Variants in SNTG2 observed in about 807,000 individuals in gnomAD.
SNTG2 encodes the protein gamma-2-syntrophin.
In SNTG2, 74 loss-of-function variants were observed where a neutral mutation model predicts 70.9. The ratio of observed to expected loss-of-function variants is 1.04; its 90% confidence interval spans 0.86 to 1.27. The LOEUF is 1.27. Among genes scored for constraint, SNTG2 ranks in the 50% most tolerant of loss-of-function variants. The probability of loss-of-function intolerance (pLI) is 0.00; values close to 1 mark genes in which losing one functional copy is unlikely to be tolerated. For missense variants in SNTG2, 717 were observed against 690.7 expected (o/e 1.04, Z -0.43); for synonymous variants, 278 against 273.8 (o/e 1.02, Z -0.15).
At chr2:1,179,536 A>C (rs1181553977) in intron 8 of SNTG2, among the ~76,000 whole-genome samples, 2 of 152,042 alleles carry the variant, frequency 1.3e-5, no homozygotes, top group African/African-American at 2.4e-5. Flanking sequence ...TTCAAGGAGA[A>C]CTACAAACCA....
intron 16 of SNTG2, among the ~76,000 whole-genome samples, chr2:1,365,403 T>A (rs1428591365): frequency 6.6e-6 from 1 of 152,246 alleles, no homozygotes; most frequent in African/African-American, 2.4e-5. Context: ...GTCATTCACA[T>A]GCATAGGAAG....
intron 16 of SNTG2, among the ~76,000 whole-genome samples, chr2:1,337,242 T>C (rs1659863205): frequency 6.6e-6 from 1 of 152,146 alleles, no homozygotes; most frequent in Non-Finnish European, 1.5e-5. Flanking sequence ...GTAATTCTAT[T>C]TTTAATTTTT....
At chr2:1,354,028 G>GT (rs1660719559) in intron 16 of SNTG2, among the ~76,000 whole-genome samples, 2 of 152,270 alleles carry the variant, frequency 1.3e-5, no homozygotes, top group East Asian at 3.9e-4. Context: ...CGTCCTAAAA[G>GT]TTTTACCTAA....
At chr2:1,140,291 C>T (rs1429935335) in intron 6 of SNTG2, among the ~76,000 whole-genome samples, 1 of 152,214 alleles carries the variant, frequency 6.6e-6, no homozygotes, top group Non-Finnish European at 1.5e-5. Context: ...ATATAGTTTC[C>T]CCTTTTTAGT....
chr2:958,950 A>G (rs1660260663), intron 1 of SNTG2, among the ~76,000 whole-genome samples: 1 of 152,352 alleles, frequency 6.6e-6, no homozygotes, highest in East Asian at 1.9e-4. Context: ...GAAACTGCTA[A>G]TAACAAAAGG....
chr2:1,250,995 CT>C (rs1677720946), intron 12 of SNTG2, among the ~76,000 whole-genome samples: 1 of 152,250 alleles, frequency 6.6e-6, no homozygotes, highest in Non-Finnish European at 1.5e-5. Context: ...CAGAAGATGA[CT>C]TGGCACCATC....
chr2:1,104,374 G>A (rs1273013234), intron 4 of SNTG2, among the ~76,000 whole-genome samples: 2 of 152,176 alleles, frequency 1.3e-5, no homozygotes, highest in African/African-American at 4.8e-5. Flanking sequence ...TTTCAGACGA[G>A]CTGAGTGACA....
chr2:1,064,922 A>G (rs1663054717), intron 1 of SNTG2, among the ~76,000 whole-genome samples: 1 of 152,232 alleles, frequency 6.6e-6, no homozygotes, highest in Non-Finnish European at 1.5e-5. Flanking sequence ...AAACACATTT[A>G]ACAAAAAGAA....
chr2:1,005,858 TATATATATATATATATAA>T (rs1659554234), intron 1 of SNTG2, among the ~76,000 whole-genome samples: 2 of 23,534 alleles, frequency 8.5e-5, no homozygotes, highest in Admixed American at 6.2e-4. Flanking sequence ...TATATATATA[TATATATATATATATATAA>T]ACGTTGACAT....
chr2:1,149,542 T>G (rs950823068), intron 6 of SNTG2, among the ~76,000 whole-genome samples: 2 of 152,204 alleles, frequency 1.3e-5, no homozygotes, highest in Non-Finnish European at 2.9e-5. Context: ...ACTCAAGTCC[T>G]AATGTGCTTT....
chr2:1,358,825 T>C (rs1660993023), intron 16 of SNTG2, among the ~76,000 whole-genome samples: 1 of 152,208 alleles, frequency 6.6e-6, no homozygotes, highest in African/African-American at 2.4e-5. Context: ...TTTCTACTGC[T>C]GTTAGATGGA....
intron 8 of SNTG2, among the ~76,000 whole-genome samples, chr2:1,192,482 G>A (rs1015510086): frequency 6.6e-6 from 1 of 152,052 alleles, no homozygotes; most frequent in African/African-American, 2.4e-5. Context: ...GATGAAATTT[G>A]TCAGTATTTT....
At chr2:993,070 C>CTTTTTTTTTTTTTTTT (rs59134628) in intron 1 of SNTG2, among the ~76,000 whole-genome samples, 4 of 140,496 alleles carry the variant, frequency 2.8e-5, no homozygotes, top group Non-Finnish European at 4.6e-5. Context: ...TTTGTGGGTT[C>CTTTTTTTTTTTTTTTT]TTTTTTTTTT....
At chr2:1,337,675 C>A (rs936973670) in intron 16 of SNTG2, among the ~76,000 whole-genome samples, 1 of 152,096 alleles carries the variant, frequency 6.6e-6, no homozygotes, top group Admixed American at 6.6e-5. Context: ...TCCTTTGATG[C>A]ACAAAAGTTA....
At chr2:1,182,141 G>C (rs1351555927) in intron 8 of SNTG2, among the ~76,000 whole-genome samples, 1 of 152,110 alleles carries the variant, frequency 6.6e-6, no homozygotes, top group Non-Finnish European at 1.5e-5. Context: ...GGGAGATGGT[G>C]CCTTCACTCA....
At chr2:1,021,430 G>A (rs1572234697) in intron 1 of SNTG2, among the ~76,000 whole-genome samples, 1 of 152,134 alleles carries the variant, frequency 6.6e-6, no homozygotes, top group Non-Finnish European at 1.5e-5. Flanking sequence ...GAGATATATT[G>A]CTTTTTAAAA....
At chr2:1,305,657 C>T (rs187479982) in intron 14 of SNTG2, among the ~76,000 whole-genome samples, 3 of 152,150 alleles carry the variant, frequency 2.0e-5, no homozygotes, top group Non-Finnish European at 2.9e-5. Flanking sequence ...AAAATTCCCT[C>T]AAGTTCTAAA....
chr2:1,183,284 C>G (rs559268324), intron 8 of SNTG2, among the ~76,000 whole-genome samples: 15 of 152,020 alleles, frequency 9.9e-5, no homozygotes, highest in Admixed American at 2.0e-4. Flanking sequence ...CTGATTGGGG[C>G]CTATTACATA....
chr2:985,522 A>G (rs1481200440), intron 1 of SNTG2, among the ~76,000 whole-genome samples: 3 of 152,148 alleles, frequency 2.0e-5, no homozygotes, highest in African/African-American at 4.8e-5. Flanking sequence ...TGGGCCAGGC[A>G]GAGACACCCT....
Sources: allele counts gnomAD v4.1 joint callset (sites outside exome capture counted in the v4.1 genomes callset), GRCh38; gene constraint gnomAD v4.1.1; transcripts MANE v1.5; gene names NCBI Gene and HGNC (gene_info 2026-07-23, HGNC 2026-07-21).